CCDC73: variants seen among roughly 807,000 people sequenced by gnomAD.
The protein encoded by CCDC73 is coiled-coil domain-containing protein 73.
A neutral mutation model predicts 116.5 loss-of-function variants in CCDC73; 95 were observed. The observed-to-expected ratio is 0.82, with a 90% CI of 0.69 to 0.97. The LOEUF is 0.97. Ranked by LOEUF, CCDC73 falls within the 50% of genes least tolerant of loss-of-function variation. CCDC73 has a pLI of 0.00. For synonymous variants in CCDC73, 398 were observed against 401.3 expected (o/e 0.99, Z 0.10); for missense variants, 1,066 against 1,206.8 (o/e 0.88, Z 1.73).
At chr11:32,630,098 GAAAT>G (rs1368107049) in intron 14 of CCDC73, among the ~76,000 whole-genome samples, 1 of 152,006 alleles carries the variant, frequency 6.6e-6, no homozygotes, top group Admixed American at 6.6e-5. Context: ...ATAATTCTCT[GAAAT>G]AAATAATATA....
intron 6 of CCDC73, among the ~76,000 whole-genome samples, chr11:32,686,784 T>G (rs1856205996): frequency 6.6e-6 from 1 of 152,176 alleles, no homozygotes; most frequent in Non-Finnish European, 1.5e-5. Context: ...ATAGCTGCAT[T>G]TCTGACACAT....
intron 9 of CCDC73, among the ~76,000 whole-genome samples, chr11:32,659,039 T>C (rs546853809): frequency 1.3e-5 from 2 of 152,138 alleles, no homozygotes; most frequent in South Asian, 4.1e-4. Flanking sequence ...GCTAAAAAAA[T>C]ACAAATTATT....
At chr11:32,821,431 TACG>T in the CCDC73 span, among the ~76,000 whole-genome samples, 1 of 152,226 alleles carries the variant, frequency 6.6e-6, no homozygotes, top group Non-Finnish European at 1.5e-5. Flanking sequence ...TGTGCAGACT[TACG>T]TTAACAGTTT....
chr11:32,660,854 G>T (rs1855916719), intron 9 of CCDC73, among the ~76,000 whole-genome samples: 1 of 152,062 alleles, frequency 6.6e-6, no homozygotes, highest in African/African-American at 2.4e-5. Context: ...GAATACAAAG[G>T]GGGTAAAGAA....
At chr11:32,624,169 T>G (rs1315658614) in intron 14 of CCDC73, among the ~76,000 whole-genome samples, 4 of 126,104 alleles carry the variant, frequency 3.2e-5, no homozygotes, top group Non-Finnish European at 6.7e-5. Flanking sequence ...CCATATCTAC[T>G]AAAATACAAA....
At chr11:32,666,294 C>T (rs1020811605) in intron 9 of CCDC73, among the ~76,000 whole-genome samples, 3 of 152,232 alleles carry the variant, frequency 2.0e-5, no homozygotes, top group Admixed American at 2.0e-4. Context: ...CTTTCAGGTA[C>T]ACCAACCAGG....
At chr11:32,733,151 A>G (rs1354907798) in intron 2 of CCDC73, among the ~76,000 whole-genome samples, 1 of 152,226 alleles carries the variant, frequency 6.6e-6, no homozygotes, top group African/African-American at 2.4e-5. Context: ...TTAAACCAAC[A>G]AAGATCAGAA....
At chr11:32,657,362 C>T (rs994353680) in intron 9 of CCDC73, among the ~76,000 whole-genome samples, 1 of 152,120 alleles carries the variant, frequency 6.6e-6, no homozygotes, top group African/African-American at 2.4e-5. Flanking sequence ...AGATAGGGCT[C>T]TATTCTTAGA....
chr11:32,801,340 AG>A, the CCDC73 span, among the ~76,000 whole-genome samples: 1 of 152,142 alleles, frequency 6.6e-6, no homozygotes, highest in African/African-American at 2.4e-5. Flanking sequence ...CATGGTGGGT[AG>A]GGGTACAGAA....
chr11:32,808,325 A>AACACATC, the CCDC73 span, among the ~76,000 whole-genome samples: 40 of 152,326 alleles, frequency 2.6e-4, no homozygotes, highest in African/African-American at 7.9e-4. Context: ...GGGAGTAAGG[A>AACACATC]ACACATCAGA....
At chr11:32,819,755 A>G in the CCDC73 span, among the ~76,000 whole-genome samples, 7 of 152,222 alleles carry the variant, frequency 4.6e-5, no homozygotes, top group South Asian at 1.2e-3. Flanking sequence ...GCCACTATAC[A>G]TAACCAAGAG....
the CCDC73 span, among the ~76,000 whole-genome samples, chr11:32,826,350 A>G: frequency 6.6e-6 from 1 of 152,224 alleles, no homozygotes; most frequent in African/African-American, 2.4e-5. Flanking sequence ...GAGGCTAATG[A>G]TAGTCATCGA....
chr11:32,787,625 C>A (rs1434285316), intron 1 of CCDC73, among the ~76,000 whole-genome samples: 3 of 152,032 alleles, frequency 2.0e-5, no homozygotes, highest in African/African-American at 7.2e-5. Context: ...AAAAGAATGG[C>A]AAATTAGTCC....
intron 2 of CCDC73, among the ~76,000 whole-genome samples, chr11:32,747,975 G>A (rs774290526): frequency 7.2e-5 from 11 of 152,146 alleles, no homozygotes; most frequent in South Asian, 2.1e-4. Context: ...CAGTCCCAAC[G>A]AGATAAACCA....
chr11:32,771,600 G>A (rs1850492971), intron 1 of CCDC73, among the ~76,000 whole-genome samples: 1 of 152,208 alleles, frequency 6.6e-6, no homozygotes, highest in Admixed American at 6.5e-5. Context: ...TGGATCAAGA[G>A]GAGCTACACT....
upstream of CCDC73, among the ~76,000 whole-genome samples, chr11:32,798,685 A>G (rs1850747219): frequency 6.6e-6 from 1 of 152,228 alleles, no homozygotes; most frequent in Non-Finnish European, 1.5e-5. Flanking sequence ...ATGAATGAGT[A>G]AGCAAAGATA....
intron 2 of CCDC73, among the ~76,000 whole-genome samples, chr11:32,749,614 TA>T (rs573492176): frequency 3.3e-5 from 5 of 152,030 alleles, no homozygotes; most frequent in African/African-American, 9.6e-5. Context: ...AAGAGTGGGG[TA>T]TTTTTTGTAG....
intron 2 of CCDC73, among the ~76,000 whole-genome samples, chr11:32,745,040 T>C (rs1850222389): frequency 6.6e-6 from 1 of 152,206 alleles, no homozygotes; most frequent in Non-Finnish European, 1.5e-5. Flanking sequence ...TTGTGGGCAT[T>C]TAGTGATATA....
At chr11:32,683,505 T>A in intron 7 of CCDC73, 31 bp downstream of exon 7, 1 of 1,410,792 alleles carries the variant, frequency 7.1e-7, no homozygotes, top group South Asian at 1.2e-5. Flanking sequence ...CTAATCCAGA[T>A]GGGGGAAAAT....
Sources: allele counts gnomAD v4.1 joint callset (sites outside exome capture counted in the v4.1 genomes callset), GRCh38; gene constraint gnomAD v4.1.1; transcripts MANE v1.5; gene names NCBI Gene and HGNC (gene_info 2026-07-23, HGNC 2026-07-21).